Variants in SLC23A1 observed in about 807,000 individuals in gnomAD.
The protein encoded by SLC23A1 is Na(+)/L-ascorbic acid transporter 1.
SLC23A1 carries 31 observed loss-of-function variants against 62.5 expected under a neutral mutation model. That is an observed-to-expected ratio of 0.50 (90% CI 0.37 to 0.67). The LOEUF is 0.67. Among genes scored for constraint, SLC23A1 ranks in the 30% least tolerant of loss-of-function variants. The probability of loss-of-function intolerance (pLI) is 0.00; values close to 1 mark genes in which losing one functional copy is unlikely to be tolerated. For missense variants in SLC23A1, 640 were observed against 782.7 expected, an observed-to-expected ratio of 0.82 and a Z score of 2.18; for synonymous variants, 271 against 313.2, an observed-to-expected ratio of 0.87 and a Z score of 1.42.
At position 139,378,214 on chromosome 5, in the gene SLC23A1, ACACT is replaced by A. The variant is rs1468440228; in HGVS notation, c.1309+4_1309+7del. 74 of 1,613,032 alleles carry A rather than the reference ACACT, an allele frequency of 4.6e-5. No homozygotes were observed. Among genetic ancestry groups the A allele is most frequent in the Non-Finnish European group, 6.3e-5 (74 of 1,179,678 alleles). On this transcript the variant is annotated splice_donor_5th_base_variant and intron_variant, in intron 11 of 14. Transcript: ENST00000348729. The surrounding 1 kb of genome is among the most constrained non-coding windows in gnomAD (Gnocchi z 4.5). ...CACCGCGACCCGTGGCCCGCGCCAGACACTCACCAAAGAGAGTGCAGAACATGCC... is the reference window on the plus strand; with the variant it reads ...CACCGCGACCCGTGGCCCGCGCCAGACACCAAAGAGAGTGCAGAACATGCC...
chr5:139,379,117 G>T lies in SLC23A1; in HGVS notation c.1073+90C>A. On this transcript the variant is annotated intron_variant, in intron 9 of 14. Coordinates refer to ENST00000348729, the MANE Select transcript of SLC23A1 (RefSeq NM_005847.5). The surrounding 1 kb of genome is among the most constrained non-coding windows in gnomAD (Gnocchi z 4.7). ...TGGAGCGTGTTCCCGACTTGCCTAA[G>T]CCTACCCCCTGGGCCTCCACCCCGT... 1 of 1,386,294 alleles carries T rather than the reference G, an allele frequency of 7.2e-7. No homozygotes were observed. The highest frequency in any genetic ancestry group is 1.0e-6 in the Non-Finnish European group (1 of 986,186). 85.9% of individuals were successfully genotyped at this position (1,386,294 alleles called of 1,614,324 possible).
rs983183394 is a variant in SLC23A1, at chr5:139,379,218, A to G, written c.1062T>C (p.His354=). 5 of 1,614,156 alleles carry G rather than the reference A, an allele frequency of 3.1e-6. No homozygotes were observed. The highest frequency in any genetic ancestry group is 1.1e-5 in the South Asian group (1 of 91,088). The change falls in exon 9 of 15, where the codon CAT becomes CAC. Residue 354 remains histidine, a synonymous_variant. Transcript: ENST00000348729. The surrounding 1 kb of genome is among the most constrained non-coding windows in gnomAD (Gnocchi z 4.7). ...GGCAGGTAGGCTACCTGTTGATAGCATGTACTGGAGGGGGTGGTGCACCAG... is the reference window on the plus strand; with the variant it reads ...GGCAGGTAGGCTACCTGTTGATAGCGTGTACTGGAGGGGGTGGTGCACCAG... ...RLAGAPPPPV[H]AINRGIFTEG... is the part of the protein sequence containing the mutation.
At chr5:139,374,160 T>C (rs184224059) in intron 13 of SLC23A1, among the ~76,000 whole-genome samples, 78 of 152,360 alleles carry the variant, frequency 5.1e-4, no homozygotes, top group Non-Finnish European at 6.3e-4. Flanking sequence ...CTTTTTGGCA[T>C]ATCCTCCTCA....
At chr5:139,369,038 C>T in intron 14 of SLC23A1, 3 of 385,738 alleles carry the variant, frequency 7.8e-6, no homozygotes, top group East Asian at 4.3e-5. Flanking sequence ...AGGAAAGAAG[C>T]ACCAGTCAAG....
In SLC23A1 at chr5:139,378,179, C is replaced by T. The variant is rs1367561492; in HGVS notation, c.1309+43G>A. The T allele has an allele frequency of 6.2e-7, 1 of 1,612,808 alleles. No individual in the cohort carries two copies. Among genetic ancestry groups the T allele is most frequent in the East Asian group, 2.2e-5 (1 of 44,852 alleles). On this transcript the variant is annotated intron_variant, in intron 11 of 14. Coordinates refer to ENST00000348729, the MANE Select transcript of SLC23A1 (RefSeq NM_005847.5). This position sits in a 1 kb window ranked among gnomAD's most constrained non-coding sequence, Gnocchi z 4.5. ...ACGCGTAATCCAGGTGAGTCCCACT[C>T]GGCGACCCGCACCGCGACCCGTGGC...
At chr5:139,367,870 A>C (rs72552210) in intron 14 of SLC23A1, among the ~76,000 whole-genome samples, 1 of 152,190 alleles carries the variant, frequency 6.6e-6, no homozygotes, top group East Asian at 1.9e-4. Flanking sequence ...GTTACACTTA[A>C]GCAAACTGAA....
intron 14 of SLC23A1, 54 bp downstream of exon 14, chr5:139,371,933 A>G (rs1757690468): frequency 2.8e-6 from 4 of 1,409,236 alleles, no homozygotes; most frequent in South Asian, 1.2e-5. Flanking sequence ...TGGTTAAAGC[A>G]TAAGAATGTT....
At position 139,379,921 on chromosome 5, in the gene SLC23A1, A is replaced by C; in HGVS notation, c.768+35T>G. 1 of 1,614,138 alleles carries C rather than the reference A, an allele frequency of 6.2e-7. No individual in the cohort carries two copies. The highest frequency in any genetic ancestry group is 8.5e-7 in the Non-Finnish European group (1 of 1,179,986). ...TCCCACCTCAGCCCAAGCCCTGGCCATAGTCCCAGCCCCAGCCGCCTGCCA... is the reference window on the plus strand; with the variant it reads ...TCCCACCTCAGCCCAAGCCCTGGCCCTAGTCCCAGCCCCAGCCGCCTGCCA... On this transcript the variant is annotated intron_variant, in intron 7 of 14. Coordinates refer to ENST00000348729, the MANE Select transcript of SLC23A1 (RefSeq NM_005847.5). The surrounding 1 kb of genome is among the most constrained non-coding windows in gnomAD (Gnocchi z 4.7).
chr5:139,379,726 G>A lies in SLC23A1; in HGVS notation c.877C>T (p.Arg293Cys), dbSNP rs755738741. Reference sequence around the variant, plus strand: ...GGTGCAATAGCCATGATGTCACCACGGGCATCGGTTCGTGCCTGGAAGCCA... The same window carrying A: ...GGTGCAATAGCCATGATGTCACCACAGGCATCGGTTCGTGCCTGGAAGCCA... ...AYGFQARTDA[R>C]GDIMAIAPWI... Residue 293 changes from arginine (R) to cysteine (C), a missense_variant, in exon 8 of 15, where the codon CGT becomes TGT. Physicochemically the swap from Arg to Cys is radical, Grantham distance 180. Coordinates refer to ENST00000348729, the MANE Select transcript of SLC23A1 (RefSeq NM_005847.5). This position sits in a 1 kb window ranked among gnomAD's most constrained non-coding sequence, Gnocchi z 4.7. 10 of 1,613,970 alleles carry A rather than the reference G, an allele frequency of 6.2e-6. No homozygotes were observed. The highest frequency in any genetic ancestry group is 5.0e-5 in the Admixed American group (3 of 60,004).
chr5:139,379,498 G>A lies in SLC23A1; in HGVS notation c.926-144C>T. The A allele has an allele frequency of 2.0e-6, 2 of 1,019,264 alleles. No homozygotes were observed. The highest frequency in any genetic ancestry group is 3.0e-6 in the Non-Finnish European group (2 of 662,316). The allele number at this position is 1,019,264 out of a possible 1,614,324, so 63.1% of individuals were successfully genotyped here. ...GCTATACAGTTGTGGGAGCTTATTT[G>A]AGTCACTCAGAGCCAGGAAGTGGGA... On this transcript the variant is annotated intron_variant, in intron 8 of 14. Transcript: ENST00000348729. The surrounding 1 kb of genome is among the most constrained non-coding windows in gnomAD (Gnocchi z 4.7).
chr5:139,383,495 C>T (rs1758391068), upstream of SLC23A1: 2 of 605,776 alleles, frequency 3.3e-6, no homozygotes, highest in Non-Finnish European at 4.1e-6. Flanking sequence ...TGCGCCTGGG[C>T]GCTGGACCTG....
At chr5:139,370,324 C>CCA in intron 14 of SLC23A1, among the ~76,000 whole-genome samples, 1 of 152,222 alleles carries the variant, frequency 6.6e-6, no homozygotes, top group African/African-American at 2.4e-5. Flanking sequence ...TTGTGTGCCA[C>CCA]CACACCTGGC....
chr5:139,378,147 G>A lies in SLC23A1; in HGVS notation c.1310-29C>T, dbSNP rs778543276. ...AGGGCGCAAGAGAACGGCTGGAGGC[G>A]CCGCACACGCGTAATCCAGGTGAGT... is the stretch of plus-strand genomic sequence containing the variant. On this transcript the variant is annotated intron_variant, in intron 11 of 14. Coordinates refer to ENST00000348729, the MANE Select transcript of SLC23A1 (RefSeq NM_005847.5). This position sits in a 1 kb window ranked among gnomAD's most constrained non-coding sequence, Gnocchi z 4.5. 1.9e-6 allele frequency: 3 copies of A among 1,613,802 alleles called. No individual in the cohort carries two copies. The highest frequency in any genetic ancestry group is 2.5e-6 in the Non-Finnish European group (3 of 1,179,888).
At chr5:139,377,867 G>A in intron 12 of SLC23A1, 108 bp downstream of exon 12, 3 of 1,104,892 alleles carry the variant, frequency 2.7e-6, no homozygotes, top group Middle Eastern at 5.8e-4. Flanking sequence ...GACACCCAGA[G>A]TTGGGTACGA....
rs1253122260 is a variant in SLC23A1, at chr5:139,378,387, A to G, written c.1180-36T>C. On this transcript the variant is annotated intron_variant, in intron 10 of 14. Coordinates refer to ENST00000348729, the MANE Select transcript of SLC23A1 (RefSeq NM_005847.5). This position sits in a 1 kb window ranked among gnomAD's most constrained non-coding sequence, Gnocchi z 4.5. ...GCCAGCGGGGAAGCTAGACCTGGGG[A>G]CGAGGCTGGGGCGGGGTTAGTTCCA... is the stretch of plus-strand genomic sequence containing the variant. 1 of 1,547,282 alleles carries G rather than the reference A, an allele frequency of 6.5e-7. No homozygotes were observed. Among genetic ancestry groups the G allele is most frequent in the African/African-American group, 1.4e-5 (1 of 73,016 alleles).
rs915786261 is a variant in SLC23A1 at position 139,379,817 on chromosome 5, C to T, written c.786G>A (p.Met262Ile). ...GGACATAGCAGAGCAGCCACACGGT[C>T]ATGATGGCCAGCATGATCTGAAGGA... ...FKMFPIMLAI[M>I]TVWLLCYVLT... Residue 262 changes from methionine to isoleucine, a missense_variant, in exon 8 of 15, where the codon ATG (methionine) becomes ATA (isoleucine). Coordinates refer to ENST00000348729, the MANE Select transcript of SLC23A1 (RefSeq NM_005847.5). The surrounding 1 kb of genome is among the most constrained non-coding windows in gnomAD (Gnocchi z 4.7). The T allele has an allele frequency of 3.7e-6, 6 of 1,613,960 alleles. No individual in the cohort carries two copies. The highest frequency in any genetic ancestry group is 5.1e-6 in the Non-Finnish European group (6 of 1,180,020).
rs376068972 is a variant in SLC23A1, at chr5:139,380,303, C to T, written c.552G>A (p.Gly184=). ...AGACAGTGGGGGTGACTGTGAGAGG[C>T]CCAATGTAGTTGAGCAGGGCCCCAG... ...GLPGALLNYI[G]PLTVTPTVSL... is the part of the protein sequence containing the mutation. The change falls in exon 6 of 15, where the codon GGG becomes GGA. Residue 184 remains glycine (G), a synonymous_variant. Coordinates refer to ENST00000348729, the MANE Select transcript of SLC23A1 (RefSeq NM_005847.5). The T allele has an allele frequency of 1.1e-4, 172 of 1,604,504 alleles. No individual in the cohort carries two copies. Among genetic ancestry groups the T allele is most frequent in the Middle Eastern group, 8.2e-4 (5 of 6,064 alleles).
At chr5:139,371,215 G>A (rs894660126) in intron 14 of SLC23A1, among the ~76,000 whole-genome samples, 6 of 152,180 alleles carry the variant, frequency 3.9e-5, no homozygotes, top group Non-Finnish European at 8.8e-5. Context: ...TCTGGATTAT[G>A]TGAGTAGTTA....
At position 139,383,200 on chromosome 5, in the gene SLC23A1, ACCCCCAG is replaced by A. The variant is rs764737765; in HGVS notation, c.36+11_36+17del. 7 of 181,172 alleles carry A rather than the reference ACCCCCAG, an allele frequency of 3.9e-5. No homozygotes were observed. Among genetic ancestry groups the A allele is most frequent in the Non-Finnish European group, 5.8e-5 (7 of 121,680 alleles). The allele number at this position is 181,172 out of a possible 1,614,324, so 11.2% of individuals were successfully genotyped here. On this transcript the variant is annotated intron_variant, in intron 1 of 14. Coordinates refer to ENST00000348729, the MANE Select transcript of SLC23A1 (RefSeq NM_005847.5). The stretch of plus-strand genomic sequence containing the variant: ...ACCCCCCCTGCCCCCCCTAGCCCCC[ACCCCCAG>A]CCCCCAGCACCTGTGTCCGGCCCTC...
Sources: gnomAD v4.1 joint callset for allele counts (sites outside exome capture counted in the v4.1 genomes callset) on GRCh38, gnomAD v4.1.1 for gene constraint, Gnocchi (gnomAD v3.1) non-coding constraint, MANE v1.5 for transcripts, NCBI Gene and HGNC (gene_info 2026-07-23, HGNC 2026-07-21) for gene names.